Variants in SEZ6L2 observed in about 807,000 individuals in gnomAD.
SEZ6L2 encodes the protein seizure 6-like protein 2.
Under a neutral mutation model 97.0 loss-of-function variants are expected in SEZ6L2, and 44 were observed. The ratio of observed to expected loss-of-function variants is 0.45; its 90% CI spans 0.36 to 0.58. The LOEUF (loss-of-function observed/expected upper bound fraction) is 0.58, where lower values mean the gene tolerates loss of function less well. SEZ6L2 is among the 20% of genes least tolerant of loss of function. SEZ6L2 has a pLI of 0.00. For synonymous variants in SEZ6L2, 543 were observed against 546.1 expected (o/e 0.99, Z 0.08); for missense variants, 1,086 against 1,233.3 (o/e 0.88, Z 1.79).
Position 29,899,345 on chromosome 16 carries a change from A to G in SEZ6L2, c.-326T>C. On this transcript the variant is annotated 5_prime_UTR_variant, in exon 1 of 18. Transcript: ENST00000617533. Reference sequence around the variant, plus strand: ...GGTGGCCTGGGTTACCCTCCTGCTCAGGCGCCTGGGTCCACTGGGCTGTCT... The same window carrying G: ...GGTGGCCTGGGTTACCCTCCTGCTCGGGCGCCTGGGTCCACTGGGCTGTCT... The G allele has an allele frequency of 2.9e-6, 1 of 340,012 alleles. No individual in the cohort carries two copies. The highest frequency in any genetic ancestry group is 2.3e-5 in the African/African-American group (1 of 43,714). 21.1% of individuals were successfully genotyped at this position (340,012 alleles called of 1,614,324 possible).
chr16:29,878,763 C>CA (rs2067966772), intron 9 of SEZ6L2, among the ~76,000 whole-genome samples: 1 of 127,946 alleles, frequency 7.8e-6, no homozygotes. Flanking sequence ...TTTCTTTTTT[C>CA]TTTTTTTTTT....
chr16:29,877,018 C>T lies in SEZ6L2; in HGVS notation c.1910-68G>A. 8 of 1,484,252 alleles carry T rather than the reference C, an allele frequency of 5.4e-6. No homozygotes were observed. In the South Asian group the frequency reaches 6.2e-5, roughly 12 times the overall value. 91.9% of individuals were successfully genotyped at this position (1,484,252 alleles called of 1,614,324 possible). A position where few individuals can be genotyped will look rare whatever the true frequency, so the allele number is the denominator to read the frequency against. On this transcript the variant is annotated intron_variant, in intron 11 of 17. Coordinates refer to ENST00000617533, the MANE Select transcript of SEZ6L2 (RefSeq NM_001243332.2). ...GCGGGCTCCCTTCCAGCCTCGGAGGCTTTGCTCTGTGCCCCCTCCCGGGAT... is the reference window on the plus strand; with the variant it reads ...GCGGGCTCCCTTCCAGCCTCGGAGGTTTTGCTCTGTGCCCCCTCCCGGGAT...
At position 29,887,669 on chromosome 16, in the gene SEZ6L2, C is replaced by T. The variant is rs1228536537; in HGVS notation, c.1188G>A (p.Ser396=). 6.9e-6 allele frequency: 11 copies of T among 1,592,204 alleles called. No homozygotes were observed. Among genetic ancestry groups the T allele is most frequent in the South Asian group, 1.1e-5 (1 of 87,550 alleles). The stretch of plus-strand genomic sequence containing the variant: ...CTTACCGGTCATTGTCCTCATCCAG[C>T]GAGACCCTTTCAAAGTGCAGGTGCA... ...RRLHLHFERV[S]LDEDNDRLMV... Residue 396 remains serine (S), a synonymous_variant, in exon 7 of 18, where the codon TCG becomes TCA. Transcript: ENST00000617533.
At chr16:29,887,108 G>A (rs2068157370) in intron 7 of SEZ6L2, among the ~76,000 whole-genome samples, 1 of 150,856 alleles carries the variant, frequency 6.6e-6, no homozygotes, top group African/African-American at 2.4e-5. Flanking sequence ...TTGAACCCGG[G>A]AGGCAGAGGT....
intron 5 of SEZ6L2, among the ~76,000 whole-genome samples, chr16:29,891,633 T>G (rs1443804129): frequency 1.3e-5 from 2 of 150,914 alleles, no homozygotes; most frequent in African/African-American, 4.9e-5. Context: ...AGAGTGAGAC[T>G]CCGTCTCAAA....
At chr16:29,888,114 C>A (rs2150803731) in intron 6 of SEZ6L2, among the ~76,000 whole-genome samples, 1 of 152,194 alleles carries the variant, frequency 6.6e-6, no homozygotes, top group South Asian at 2.1e-4. Flanking sequence ...TACAAGGATC[C>A]CTAAAATTCA....
chr16:29,885,490 T>C (rs938225827), intron 8 of SEZ6L2, 96 bp downstream of exon 8: 58 of 1,324,822 alleles, frequency 4.4e-5, no homozygotes, highest in Non-Finnish European at 6.1e-5. Flanking sequence ...AGCACGGAGA[T>C]GAACAGGCAT....
intron 8 of SEZ6L2, among the ~76,000 whole-genome samples, chr16:29,883,045 G>A (rs1363772384): frequency 1.3e-4 from 20 of 152,132 alleles, no homozygotes. Context: ...CAGATCCACT[G>A]TTCTATTTCA....
At chr16:29,872,803 G>T in intron 14 of SEZ6L2, 60 bp from the exon 15 acceptor site, 1 of 1,400,534 alleles carries the variant, frequency 7.1e-7, no homozygotes, top group South Asian at 1.2e-5. Context: ...GAGGCTGGGA[G>T]GGGCCGGGAG....
In SEZ6L2 at chr16:29,876,631, ATC is replaced by A. The variant is rs2067909222; in HGVS notation, c.2104+123_2104+124del. On this transcript the variant is annotated intron_variant, in intron 12 of 17. Transcript: ENST00000617533. The surrounding 1 kb of genome is among the most constrained non-coding windows in gnomAD (Gnocchi z 6.5). ...GGCATGGGGGCAGGCCTTGAAGAAG[ATC>A]CAGGAAGGACCCCGAGCGAAGGGAT... 1.1e-6 allele frequency: 1 copy of A among 871,964 alleles called. No homozygotes were observed. Among genetic ancestry groups the A allele is most frequent in the South Asian group, 1.8e-5 (1 of 56,448 alleles). The allele number at this position is 871,964 out of a possible 1,614,324, so 54.0% of individuals were successfully genotyped here. A position where few individuals can be genotyped will look rare whatever the true frequency, so the allele number is the denominator to read the frequency against.
chr16:29,872,277 C>T lies in SEZ6L2; in HGVS notation c.2652G>A (p.Gln884=), dbSNP rs554126954. The T allele has an allele frequency of 2.1e-5, 34 of 1,611,278 alleles. No individual in the cohort carries two copies. In the East Asian group the frequency reaches 5.6e-4, roughly 26 times the overall value. ...CCGAGAAGCCGAAAAGGGACTTTCCCTGAAGCCTGGGAAAGGGAGAGGACA... is the reference window on the plus strand; with the variant it reads ...CCGAGAAGCCGAAAAGGGACTTTCCTTGAAGCCTGGGAAAGGGAGAGGACA... ...SGVYIYYTKL[Q]GKSLFGFSGS... is the part of the protein sequence containing the mutation. The change falls in exon 17 of 18, where the codon CAG becomes CAA. Residue 884 remains glutamine (Q), a synonymous_variant. Coordinates refer to ENST00000617533, the MANE Select transcript of SEZ6L2 (RefSeq NM_001243332.2).
intron 3 of SEZ6L2, among the ~76,000 whole-genome samples, chr16:29,896,274 TA>T (rs2068387288): frequency 6.6e-6 from 1 of 152,070 alleles, no homozygotes; most frequent in Non-Finnish European, 1.5e-5. Context: ...CACCATCTTT[TA>T]TTTTTTTATT....
intron 17 of SEZ6L2, 80 bp downstream of exon 17, chr16:29,872,107 A>G (rs2067794953): frequency 2.5e-6 from 3 of 1,185,402 alleles, no homozygotes; most frequent in Middle Eastern, 4.0e-4. Flanking sequence ...CAAGACAGAG[A>G]TTCCAGAGAC....
intron 8 of SEZ6L2, 85 bp downstream of exon 8, chr16:29,885,501 A>T: frequency 7.0e-7 from 1 of 1,422,704 alleles, no homozygotes; most frequent in Non-Finnish European, 9.8e-7. Flanking sequence ...GAACAGGCAT[A>T]GAGTTTGTGC....
At position 29,877,388 on chromosome 16, in the gene SEZ6L2, C is replaced by T. The variant is rs2067929716; in HGVS notation, c.1792G>A (p.Gly598Arg). The T allele has an allele frequency of 1.2e-6, 2 of 1,613,222 alleles. No individual in the cohort carries two copies. Among genetic ancestry groups the T allele is most frequent in the South Asian group, 1.1e-5 (1 of 91,036 alleles). The change falls in exon 11 of 18, where the codon GGA becomes AGA. Residue 598 changes from glycine (G) to arginine (R), a missense_variant. Coordinates refer to ENST00000617533, the MANE Select transcript of SEZ6L2 (RefSeq NM_001243332.2). ...AGAAGGCGGCGGCGCGGCTGAGGTC[C>T]CCGCAGCTGGGCCAAGACTCGGGCG... ...PSARVLAQLR[G>R]PQPRRRLLSS...
In SEZ6L2 at chr16:29,872,690, T is replaced by G. The variant is rs1465472345; in HGVS notation, c.2527+15A>C. ...AACCTGGCCAGCCTGGGTCTCCACCTGTGCTCTCACTGACCTTCCAGTTTT... is the reference window on the plus strand; with the variant it reads ...AACCTGGCCAGCCTGGGTCTCCACCGGTGCTCTCACTGACCTTCCAGTTTT... On this transcript the variant is annotated intron_variant, in intron 15 of 17. Coordinates refer to ENST00000617533, the MANE Select transcript of SEZ6L2 (RefSeq NM_001243332.2). 6.2e-7 allele frequency: 1 copy of G among 1,612,822 alleles called. No homozygotes were observed. The highest frequency in any genetic ancestry group is 8.5e-7 in the Non-Finnish European group (1 of 1,179,566).
intron 6 of SEZ6L2, 113 bp downstream of exon 6, chr16:29,888,427 A>C: frequency 8.9e-7 from 1 of 1,120,176 alleles, no homozygotes; most frequent in Non-Finnish European, 1.3e-6. Flanking sequence ...CAGGGTAAAC[A>C]CCCCTTCAGA....
chr16:29,888,613 C>A lies in SEZ6L2; in HGVS notation c.966G>T (p.Leu322=). ...GGCAGATGAGGGTCTCCTCTCCCTG[C>A]AGCTGGTAGCCCGAATCACAGTGAA... ...ATFHCDSGYQ[L]QGEETLICLN... Residue 322 remains leucine, a synonymous_variant, in exon 6 of 18, where the codon CTG becomes CTT. Transcript: ENST00000617533. 1 of 1,614,106 alleles carries A rather than the reference C, an allele frequency of 6.2e-7. No individual in the cohort carries two copies. Among genetic ancestry groups the A allele is most frequent in the Non-Finnish European group, 8.5e-7 (1 of 1,179,998 alleles).
rs529820559 is a variant in SEZ6L2 at position 29,878,763 on chromosome 16, CT to C, written c.1574-339del. On this transcript the variant is annotated intron_variant, in intron 9 of 17. Transcript: ENST00000617533. ...CACACCCTATTTTTTTTTCTTTTTT[CT>C]TTTTTTTTTTTTTTGTATTTTTAGT... 9.5e-3 allele frequency among the ~76,000 whole-genome samples: 1,212 copies of C among 127,914 alleles called. 7 individuals are homozygous for C. Among genetic ancestry groups the C allele is most frequent in the African/African-American group, 0.028 (981 of 34,786 alleles). 83.9% of individuals were successfully genotyped at this position (127,914 alleles called of 152,430 possible). A position where few individuals can be genotyped will look rare whatever the true frequency, so the allele number is the denominator to read the frequency against.
Sources: gnomAD v4.1 joint callset for allele counts (sites outside exome capture counted in the v4.1 genomes callset) on GRCh38, gnomAD v4.1.1 for gene constraint, Gnocchi (gnomAD v3.1) non-coding constraint, MANE v1.5 for transcripts, NCBI Gene and HGNC (gene_info 2026-07-23, HGNC 2026-07-21) for gene names.